Variants in DENND3 observed in about 807,000 individuals in gnomAD.
DENND3 encodes DENN domain containing 3.
Under a neutral mutation model 135.1 loss-of-function variants are expected in DENND3, and 88 were observed. The observed-to-expected ratio is 0.65, with a 90% CI of 0.55 to 0.78. The LOEUF (loss-of-function observed/expected upper bound fraction) is 0.78. Ranked by LOEUF, DENND3 falls within the 30% of genes least tolerant of loss-of-function variation. DENND3 has a pLI of 0.00. For missense variants in DENND3, 1,392 were observed against 1,688.4 expected (o/e 0.82, Z 3.08); for synonymous variants, 693 against 712.3 (o/e 0.97, Z 0.43).
Position 141,168,306 on chromosome 8 carries a change from CCT to C in DENND3, c.2057_2058del (p.Pro686ArgfsTer6). On this transcript the variant is annotated frameshift_variant, in exon 13 of 23. Coordinates refer to ENST00000519811, the MANE Select transcript of DENND3 (RefSeq NM_001352890.3). LOFTEE classifies it high-confidence loss of function. This position sits in a 1 kb window ranked among gnomAD's most constrained non-coding sequence, Gnocchi z 6.2. ...GAGGACGGTGGAATCCATGTCTGCCCCTGAGTGGGAGGGGGCTGAGCAGGCGC... is the reference window on the plus strand; with the variant it reads ...GAGGACGGTGGAATCCATGTCTGCCCGAGTGGGAGGGGGCTGAGCAGGCGC... Reference protein sequence around the residue: ...VKRTVESMSAPEWEGAEQAPE... With the variant: ...VKRTVESMSAXEWEGAEQAPE... 1 of 1,614,008 alleles carries C rather than the reference CCT, an allele frequency of 6.2e-7. No individual in the cohort carries two copies. The highest frequency in any genetic ancestry group is 8.5e-7 in the Non-Finnish European group (1 of 1,180,004).
intron 18 of DENND3, among the ~76,000 whole-genome samples, chr8:141,188,071 G>T (rs1163458528): frequency 6.6e-6 from 1 of 151,596 alleles, no homozygotes; most frequent in East Asian, 1.9e-4. Flanking sequence ...GCCAGGCGTG[G>T]TGGCATCAGC....
rs1028355073 is a variant in DENND3, at chr8:141,174,602, G to A, written c.2276-598G>A. Among the ~76,000 whole-genome samples the A allele has an allele frequency of 2.6e-5, 4 of 152,178 alleles. No homozygotes were observed. Among genetic ancestry groups the A allele is most frequent in the African/African-American group, 7.2e-5 (3 of 41,434 alleles). ...TCAGGCTCCTCTGACTCCAGAGCCCGTGAGTGCTGGCCTCGTGGGAAGGTT... is the reference window on the plus strand; with the variant it reads ...TCAGGCTCCTCTGACTCCAGAGCCCATGAGTGCTGGCCTCGTGGGAAGGTT... On this transcript the variant is annotated intron_variant, in intron 13 of 22. Transcript: ENST00000519811. This position sits in a 1 kb window ranked among gnomAD's most constrained non-coding sequence, Gnocchi z 4.6.
Position 141,144,264 on chromosome 8 carries a change from A to C in DENND3, c.735+5A>C, listed in dbSNP as rs779946069. 2 of 1,597,788 alleles carry C rather than the reference A, an allele frequency of 1.3e-6. No individual in the cohort carries two copies. The highest frequency in any genetic ancestry group is 2.3e-5 in the South Asian group (2 of 87,800). ...CCACCTGGACCGCTCCATTTGGTAAAGTATATCTGAAATTATATTGTTTTT... is the reference window on the plus strand; with the variant it reads ...CCACCTGGACCGCTCCATTTGGTAACGTATATCTGAAATTATATTGTTTTT... On this transcript the variant is annotated splice_donor_5th_base_variant and intron_variant, in intron 5 of 22. Transcript: ENST00000519811. This position sits in a 1 kb window ranked among gnomAD's most constrained non-coding sequence, Gnocchi z 4.4.
chr8:141,179,848 T>A (rs974342264), intron 16 of DENND3, among the ~76,000 whole-genome samples: 1 of 152,072 alleles, frequency 6.6e-6, no homozygotes, highest in Non-Finnish European at 1.5e-5. Context: ...AGTAACAAAA[T>A]GATGGAAGAG....
Position 141,155,887 on chromosome 8 carries a change from G to C in DENND3, c.1113G>C (p.Gly371=), listed in dbSNP as rs1372714978. The C allele has an allele frequency of 6.2e-7, 1 of 1,612,502 alleles. No homozygotes were observed. The highest frequency in any genetic ancestry group is 8.5e-7 in the Non-Finnish European group (1 of 1,179,098). ...DGLVLINIDH[G]SITYSKSTDD... is the part of the protein sequence containing the mutation. ...TAGTTCTGATAAATATTGATCATGG[G>C]AGCATCACCTACTCCAAGTCCACGG... The change falls in exon 8 of 23, where the codon GGG becomes GGC. Residue 371 remains glycine, a synonymous_variant. Transcript: ENST00000519811.
intron 8 of DENND3, chr8:141,157,421 G>T: frequency 1.0e-6 from 1 of 985,478 alleles, no homozygotes; most frequent in Non-Finnish European, 1.2e-6. Context: ...CAGGAGGAGA[G>T]ATCCTGCTCT....
chr8:141,177,029 C>T (rs1822469097), intron 15 of DENND3: 1 of 431,086 alleles, frequency 2.3e-6, no homozygotes, highest in African/African-American at 2.0e-5. Flanking sequence ...CTGCCCGCTC[C>T]AGACTGGCGA....
At position 141,167,745 on chromosome 8, in the gene DENND3, A is replaced by G. The variant is rs1820992750; in HGVS notation, c.1754-259A>G. Among the ~76,000 whole-genome samples the G allele has an allele frequency of 1.3e-5, 2 of 152,196 alleles. No individual in the cohort carries two copies. Among genetic ancestry groups the G allele is most frequent in the African/African-American group, 4.8e-5 (2 of 41,448 alleles). ...AAGCCTCAGTACCCGATACCTCAGTAGTATTACTAGTTGTAGCAAACCAAA... is the reference window on the plus strand; with the variant it reads ...AAGCCTCAGTACCCGATACCTCAGTGGTATTACTAGTTGTAGCAAACCAAA... On this transcript the variant is annotated intron_variant, in intron 12 of 22. Coordinates refer to ENST00000519811, the MANE Select transcript of DENND3 (RefSeq NM_001352890.3). The surrounding 1 kb of genome is among the most constrained non-coding windows in gnomAD (Gnocchi z 4.1).
chr8:141,192,422 C>T lies in DENND3; in HGVS notation c.3471C>T (p.Ser1157=). Reference sequence around the variant, plus strand: ...AGAACTTCAAAGACACCAGTACCTCCTTCCTGGCCTTCCAGCTCCTTCCTG... The same window carrying T: ...AGAACTTCAAAGACACCAGTACCTCTTTCCTGGCCTTCCAGCTCCTTCCTG... ...IEENFKDTST[S]FLAFQLLPEE... Residue 1157 remains serine (S), a synonymous_variant, in exon 21 of 23, where the codon TCC becomes TCT. Transcript: ENST00000519811. The T allele has an allele frequency of 6.2e-7, 1 of 1,614,242 alleles. No individual in the cohort carries two copies. Among genetic ancestry groups the T allele is most frequent in the South Asian group, 1.1e-5 (1 of 91,086 alleles).
In DENND3 at chr8:141,165,296, C is replaced by T. The variant is rs1258855692; in HGVS notation, c.1553+7C>T. On this transcript the variant is annotated splice_region_variant and intron_variant, in intron 11 of 22. Coordinates refer to ENST00000519811, the MANE Select transcript of DENND3 (RefSeq NM_001352890.3). ...CCCAGTCGGAGGAGGACAGGTGCTTCACTGTTGTGTTTTGGATCTGCAGCT... is the reference window on the plus strand; with the variant it reads ...CCCAGTCGGAGGAGGACAGGTGCTTTACTGTTGTGTTTTGGATCTGCAGCT... 2 of 1,611,454 alleles carry T rather than the reference C, an allele frequency of 1.2e-6. No individual in the cohort carries two copies. The highest frequency in any genetic ancestry group is 8.5e-7 in the Non-Finnish European group (1 of 1,177,558).
rs1301864691 is a variant in DENND3, at chr8:141,175,892, C to T, written c.2535+433C>T. 1 of 218,902 alleles carries T rather than the reference C, an allele frequency of 4.6e-6. No individual in the cohort carries two copies. The highest frequency in any genetic ancestry group is 2.3e-5 in the African/African-American group (1 of 43,396). 13.6% of individuals were successfully genotyped at this position (218,902 alleles called of 1,614,324 possible). ...CGGACCTGGTTCATATAAAACATAA[C>T]AAGCTTATTTTATAACAATTAAAAA... On this transcript the variant is annotated intron_variant, in intron 14 of 22. Coordinates refer to ENST00000519811, the MANE Select transcript of DENND3 (RefSeq NM_001352890.3). The surrounding 1 kb of genome is among the most constrained non-coding windows in gnomAD (Gnocchi z 5.4).
chr8:141,138,169 T>C lies in DENND3; in HGVS notation c.501+32T>C. 1.3e-6 allele frequency: 2 copies of C among 1,562,700 alleles called. No homozygotes were observed. The highest frequency in any genetic ancestry group is 1.4e-5 in the African/African-American group (1 of 73,750). Reference sequence around the variant, plus strand: ...GGTTCCCGTTACTCCCCTCTGAAATTGGGTTTAGATTTTTTATTATGGTGA... The same window carrying C: ...GGTTCCCGTTACTCCCCTCTGAAATCGGGTTTAGATTTTTTATTATGGTGA... On this transcript the variant is annotated intron_variant, in intron 3 of 22. Transcript: ENST00000519811. The surrounding 1 kb of genome is among the most constrained non-coding windows in gnomAD (Gnocchi z 4.8).
Position 141,189,102 on chromosome 8 carries a change from C to T in DENND3, c.3201C>T (p.Ser1067=). ...SCNKQLTAHC[S]SVTDLIVQDG... ...ACAAGCAGCTCACAGCCCACTGCTC[C>T]AGTGTCACGGATTTGATTGTGCAGG... The change falls in exon 19 of 23, where the codon TCC becomes TCT. Residue 1067 remains serine (S), a synonymous_variant. Coordinates refer to ENST00000519811, the MANE Select transcript of DENND3 (RefSeq NM_001352890.3). 6.2e-7 allele frequency: 1 copy of T among 1,614,228 alleles called. No individual in the cohort carries two copies. Among genetic ancestry groups the T allele is most frequent in the Non-Finnish European group, 8.5e-7 (1 of 1,180,030 alleles).
chr8:141,168,327 C>A lies in DENND3; in HGVS notation c.2077C>A (p.Gln693Lys). ...TGCCCCTGAGTGGGAGGGGGCTGAG[C>A]AGGCGCCGGAGCTGATGAGGCTCAT... ...MSAPEWEGAE[Q>K]APELMRLISE... Residue 693 changes from glutamine to lysine, a missense_variant, in exon 13 of 23, where the codon CAG becomes AAG. Physicochemically the swap from Gln to Lys is moderately conservative, Grantham distance 53. Coordinates refer to ENST00000519811, the MANE Select transcript of DENND3 (RefSeq NM_001352890.3). This position sits in a 1 kb window ranked among gnomAD's most constrained non-coding sequence, Gnocchi z 6.2. 6 of 1,613,966 alleles carry A rather than the reference C, an allele frequency of 3.7e-6. No homozygotes were observed. The African/African-American group carries it at 5.3e-5, about 14-fold the overall frequency.
At chr8:141,131,028 C>G (rs766318170) in intron 1 of DENND3, among the ~76,000 whole-genome samples, 1 of 152,134 alleles carries the variant, frequency 6.6e-6, no homozygotes, top group South Asian at 2.1e-4. Context: ...ATCCCCATTT[C>G]TCTGTGGCCC....
chr8:141,175,659 T>C lies in DENND3; in HGVS notation c.2535+200T>C, dbSNP rs767349574. Reference sequence around the variant, plus strand: ...TACCTTCTCAGTGGGTGGTGGAGATTGAATAGTTTGCATATGGAGCATGCT... The same window carrying C: ...TACCTTCTCAGTGGGTGGTGGAGATCGAATAGTTTGCATATGGAGCATGCT... On this transcript the variant is annotated intron_variant, in intron 14 of 22. Coordinates refer to ENST00000519811, the MANE Select transcript of DENND3 (RefSeq NM_001352890.3). The surrounding 1 kb of genome is among the most constrained non-coding windows in gnomAD (Gnocchi z 5.4). 1.3e-6 allele frequency: 1 copy of C among 747,674 alleles called. No homozygotes were observed. Among genetic ancestry groups the C allele is most frequent in the South Asian group, 1.6e-5 (1 of 62,952 alleles). 46.3% of individuals were successfully genotyped at this position (747,674 alleles called of 1,614,324 possible). A position where few individuals can be genotyped will look rare whatever the true frequency, so the allele number is the denominator to read the frequency against.
chr8:141,173,921 G>C (rs1189645941), intron 13 of DENND3, among the ~76,000 whole-genome samples: 2 of 152,210 alleles, frequency 1.3e-5, no homozygotes. Flanking sequence ...ACCCCATATA[G>C]AGTGGATTCT....
At position 141,182,951 on chromosome 8, in the gene DENND3, G is replaced by A. The variant is rs1300041471; in HGVS notation, c.2944+2097G>A. On this transcript the variant is annotated intron_variant, in intron 17 of 22. Coordinates refer to ENST00000519811, the MANE Select transcript of DENND3 (RefSeq NM_001352890.3). The surrounding 1 kb of genome is among the most constrained non-coding windows in gnomAD (Gnocchi z 5.9). ...AATCGCACCCCAGAAAGACCGGGAG[G>A]CCTGCCCTTCTGGACTCAGGACGGA... is the stretch of plus-strand genomic sequence containing the variant. Among the ~76,000 whole-genome samples, 1 of 152,216 alleles carries A rather than the reference G, an allele frequency of 6.6e-6. No homozygotes were observed. Among genetic ancestry groups the A allele is most frequent in the Non-Finnish European group, 1.5e-5 (1 of 68,038 alleles).
rs149393564 is a variant in DENND3 at position 141,195,715 on chromosome 8, C to T, written c.*1482C>T. On this transcript the variant is annotated 3_prime_UTR_variant, in exon 23 of 23. Transcript: ENST00000519811. ...ATCCTTATGATAAAAGTCTGTCAGT[C>T]AAAAATACATTTATAAATTATTTAA... is the stretch of plus-strand genomic sequence containing the variant. 6.6e-6 allele frequency: 1 copy of T among 152,148 alleles called. No individual in the cohort carries two copies. The highest frequency in any genetic ancestry group is 2.4e-5 in the African/African-American group (1 of 41,432). 9.4% of individuals were successfully genotyped at this position (152,148 alleles called of 1,614,324 possible). A position where few individuals can be genotyped will look rare whatever the true frequency, so the allele number is the denominator to read the frequency against.
Sources: gnomAD v4.1 joint callset for allele counts (sites outside exome capture counted in the v4.1 genomes callset) on GRCh38, gnomAD v4.1.1 for gene constraint, Gnocchi (gnomAD v3.1) non-coding constraint, MANE v1.5 for transcripts, NCBI Gene and HGNC (gene_info 2026-07-23, HGNC 2026-07-21) for gene names.